Variants in CNTNAP3 observed in about 807,000 individuals in gnomAD.
CNTNAP3 encodes the protein contactin-associated protein-like 3.
In CNTNAP3, 36 loss-of-function variants were observed where a neutral mutation model predicts 92.1. The observed-to-expected ratio is 0.39, with a 90% CI of 0.30 to 0.52. The LOEUF is 0.52. Among genes scored for constraint, CNTNAP3 ranks in the 20% least tolerant of loss-of-function variants. The pLI, the probability that CNTNAP3 is intolerant of heterozygous loss-of-function variation, is 0.76. For synonymous variants in CNTNAP3, 232 were observed against 422.3 expected, an observed-to-expected ratio of 0.55 and a Z score of 5.53; for missense variants, 534 against 1,069.6, an observed-to-expected ratio of 0.50 and a Z score of 6.98.
rs113577981 is a variant in CNTNAP3 at position 39,152,822 on chromosome 9, A to AT, written c.1478-2846dup. On this transcript the variant is annotated intron_variant, in intron 9 of 23. Coordinates refer to ENST00000297668, the MANE Select transcript of CNTNAP3 (RefSeq NM_033655.5). ...AGGCACGCGCCACCACACCCTGCTA[A>AT]TTTTTTTTTTTTTGTATTTTTTTTC... 3.9e-3 allele frequency among the ~76,000 whole-genome samples: 373 copies of AT among 94,806 alleles called. 54 individuals are homozygous for AT. The highest frequency in any genetic ancestry group is 0.023 in the East Asian group (72 of 3,174). 62.2% of individuals were successfully genotyped at this position (94,806 alleles called of 152,430 possible).
intron 11 of CNTNAP3, 41 bp from the exon 12 acceptor site, chr9:39,140,679 T>A: frequency 6.4e-7 from 1 of 1,552,508 alleles, no homozygotes; most frequent in Non-Finnish European, 8.7e-7. Flanking sequence ...AAAAAATATC[T>A]CCAGATGTTG....
intron 13 of CNTNAP3, among the ~76,000 whole-genome samples, chr9:39,124,214 T>C (rs549759573): frequency 6.6e-6 from 1 of 152,148 alleles, no homozygotes; most frequent in Non-Finnish European, 1.5e-5. Context: ...ATAGTGTTGT[T>C]TGAAAGTAGA....
intron 13 of CNTNAP3, among the ~76,000 whole-genome samples, chr9:39,119,791 T>C (rs1480839357): frequency 6.6e-6 from 1 of 152,088 alleles, no homozygotes; most frequent in Non-Finnish European, 1.5e-5. Flanking sequence ...AGAGGAAGCT[T>C]AGGACCCCAG....
chr9:39,099,305 AC>A (rs1826398192), intron 18 of CNTNAP3, among the ~76,000 whole-genome samples: 1 of 152,186 alleles, frequency 6.6e-6, no homozygotes, highest in South Asian at 2.1e-4. Flanking sequence ...GTGATACCCC[AC>A]TGCACTCCTC....
intron 13 of CNTNAP3, among the ~76,000 whole-genome samples, chr9:39,128,850 T>C (rs1193829319): frequency 6.7e-6 from 1 of 150,280 alleles, no homozygotes; most frequent in African/African-American, 2.5e-5. Flanking sequence ...TCATATTTCA[T>C]ATTCTAACAA....
In CNTNAP3 at chr9:39,071,446, T is replaced by C. The variant is rs1222088285; in HGVS notation, c.*2444A>G. Among the ~76,000 whole-genome samples the C allele has an allele frequency of 1.3e-5, 2 of 151,902 alleles. No homozygotes were observed. Among genetic ancestry groups the C allele is most frequent in the African/African-American group, 4.8e-5 (2 of 41,342 alleles). ...TCAATGTCACATGAACCACTCTATT[T>C]TTAATATTAGAATTCTGAAGTTTTT... On this transcript the variant is annotated 3_prime_UTR_variant, in exon 24 of 24. Transcript: ENST00000297668.
intron 18 of CNTNAP3, among the ~76,000 whole-genome samples, chr9:39,093,921 C>T (rs4062933): frequency 0.24 from 35,387 of 150,292 alleles, 4,452 homozygotes; most frequent in East Asian, 0.38. Flanking sequence ...TGTTTAACTA[C>T]TTTGAGTTAA....
intron 13 of CNTNAP3, among the ~76,000 whole-genome samples, chr9:39,123,113 G>A (rs1202731460): frequency 1.9e-5 from 1 of 53,124 alleles, no homozygotes; most frequent in African/African-American, 9.4e-5. Flanking sequence ...TTTTTTTTTT[G>A]AGATGGAGTC....
In CNTNAP3 at chr9:39,103,860, G is replaced by A. The variant is rs769649509; in HGVS notation, c.2420C>T (p.Pro807Leu). The stretch of plus-strand genomic sequence containing the variant: ...AGCAGTGAGTTCTCCGTGGAAAGCA[G>A]GGAAATGAAGGTATGAAGTCTCAGT... ...FNTETSYLHFPAFHGELTADV... is the reference protein window; with the variant it reads ...FNTETSYLHFLAFHGELTADV... Residue 807 changes from proline (P) to leucine (L), a missense_variant, in exon 16 of 24, where the codon CCT becomes CTT. By Grantham distance (98) the Pro-to-Leu change is moderately conservative. Coordinates refer to ENST00000297668, the MANE Select transcript of CNTNAP3 (RefSeq NM_033655.5). 9 of 1,611,076 alleles carry A rather than the reference G, an allele frequency of 5.6e-6. No individual in the cohort carries two copies. The South Asian group carries it at 9.9e-5, about 18-fold the overall frequency.
intron 2 of CNTNAP3, among the ~76,000 whole-genome samples, chr9:39,248,581 T>A (rs1428369062): frequency 2.6e-4 from 3 of 11,480 alleles, no homozygotes; most frequent in Non-Finnish European, 1.4e-3. Context: ...TGCATTTACT[T>A]TTTTTTTTTT....
At chr9:39,132,876 C>T in intron 13 of CNTNAP3, 56 bp downstream of exon 13, 1 of 1,496,654 alleles carries the variant, frequency 6.7e-7, no homozygotes. Flanking sequence ...ATCTCGCAGC[C>T]CGAGGGCCGC....
intron 23 of CNTNAP3, among the ~76,000 whole-genome samples, chr9:39,076,115 G>T: frequency 1.3e-5 from 2 of 152,308 alleles, no homozygotes; most frequent in Non-Finnish European, 2.9e-5. Context: ...ACACTGCTAA[G>T]ATGTTTCCTT....
chr9:39,108,492 A>G (rs2117903684), intron 15 of CNTNAP3, among the ~76,000 whole-genome samples: 1 of 152,306 alleles, frequency 6.6e-6, no homozygotes, highest in Non-Finnish European at 1.5e-5. Context: ...TAGAGCAGGA[A>G]ATAAAAATAC....
intron 12 of CNTNAP3, among the ~76,000 whole-genome samples, chr9:39,135,406 G>C (rs1821405477): frequency 6.6e-6 from 1 of 151,958 alleles, no homozygotes; most frequent in Non-Finnish European, 1.5e-5. Flanking sequence ...AATTATAACA[G>C]TGGCTAAATG....
intron 10 of CNTNAP3, among the ~76,000 whole-genome samples, chr9:39,146,404 T>C (rs1313372172): frequency 6.6e-6 from 1 of 152,062 alleles, no homozygotes; most frequent in African/African-American, 2.4e-5. Context: ...TTAAAACCTA[T>C]CCTGGCCGGG....
At chr9:39,110,587 C>G (rs2117916192) in intron 14 of CNTNAP3, among the ~76,000 whole-genome samples, 1 of 152,176 alleles carries the variant, frequency 6.6e-6, no homozygotes, top group East Asian at 1.9e-4. Context: ...ACGTCTGGGT[C>G]CAATACAAAG....
At chr9:39,146,375 G>T (rs966668372) in intron 10 of CNTNAP3, among the ~76,000 whole-genome samples, 1 of 152,222 alleles carries the variant, frequency 6.6e-6, no homozygotes, top group Admixed American at 6.5e-5. Context: ...GCAGTCTGAT[G>T]TAAGAGGTGA....
chr9:39,087,740 C>T (rs544294461), intron 19 of CNTNAP3, among the ~76,000 whole-genome samples: 1 of 152,236 alleles, frequency 6.6e-6, no homozygotes, highest in Non-Finnish European at 1.5e-5. Flanking sequence ...CCTGCCTTGG[C>T]CTCCCAAAGT....
At chr9:39,147,871 T>C in intron 10 of CNTNAP3, among the ~76,000 whole-genome samples, 1 of 152,206 alleles carries the variant, frequency 6.6e-6, no homozygotes, top group East Asian at 1.9e-4. Flanking sequence ...CCTCACGATA[T>C]ATATCTCATA....
Sources: gnomAD v4.1 joint callset for allele counts (sites outside exome capture counted in the v4.1 genomes callset) on GRCh38, gnomAD v4.1.1 for gene constraint, MANE v1.5 for transcripts, NCBI Gene and HGNC (gene_info 2026-07-23, HGNC 2026-07-21) for gene names.